The following CNTNAP2 variants were observed in gnomAD, a reference collection of about 807,000 sequenced individuals.
CNTNAP2 encodes the protein contactin-associated protein-like 2.
Under a neutral mutation model 155.2 loss-of-function variants are expected in CNTNAP2, and 98 were observed. That is an observed-to-expected ratio of 0.63 (90% CI 0.54 to 0.75). The LOEUF (loss-of-function observed/expected upper bound fraction) is 0.75. Among genes scored for constraint, CNTNAP2 ranks in the 30% least tolerant of loss-of-function variants. CNTNAP2 has a pLI of 0.00. For synonymous variants in CNTNAP2, 651 were observed against 631.2 expected, an observed-to-expected ratio of 1.03 and a Z score of -0.47; for missense variants, 1,727 against 1,688.1, an observed-to-expected ratio of 1.02 and a Z score of -0.40.
intron 21 of CNTNAP2, among the ~76,000 whole-genome samples, chr7:148,372,130 A>G (rs111743467): frequency 0.025 from 3,751 of 152,086 alleles, 160 homozygotes; most frequent in African/African-American, 0.087. Flanking sequence ...TGAACCTGGG[A>G]GTTGGAGGTT....
chr7:147,545,231 C>T (rs1438131525), intron 11 of CNTNAP2, among the ~76,000 whole-genome samples: 4 of 152,076 alleles, frequency 2.6e-5, no homozygotes, highest in Admixed American at 2.6e-4. Flanking sequence ...TTGTGCTCAA[C>T]AATACAAGCC....
chr7:147,545,212 C>T (rs527897075), intron 11 of CNTNAP2, among the ~76,000 whole-genome samples: 73 of 152,166 alleles, frequency 4.8e-4, no homozygotes, highest in African/African-American at 1.3e-3. Context: ...GCCCTGGGCA[C>T]GATGCCTTTT....
At chr7:147,854,693 G>T (rs1584992753) in intron 13 of CNTNAP2, among the ~76,000 whole-genome samples, 1 of 152,220 alleles carries the variant, frequency 6.6e-6, no homozygotes, top group Admixed American at 6.5e-5. Flanking sequence ...CAGAGGAATT[G>T]AATTTTCATT....
At chr7:147,630,773 C>T (rs1795073437) in intron 12 of CNTNAP2, among the ~76,000 whole-genome samples, 1 of 152,126 alleles carries the variant, frequency 6.6e-6, no homozygotes, top group African/African-American at 2.4e-5. Flanking sequence ...AGTCCAGCAT[C>T]CCTTTACGAA....
intron 1 of CNTNAP2, among the ~76,000 whole-genome samples, chr7:146,235,593 G>A (rs1353894879): frequency 6.6e-6 from 1 of 152,112 alleles, no homozygotes; most frequent in Admixed American, 6.5e-5. Flanking sequence ...CATCTTCTCT[G>A]GGGCATAAGG....
chr7:148,206,625 G>A (rs1177095775), intron 18 of CNTNAP2, among the ~76,000 whole-genome samples: 1 of 152,194 alleles, frequency 6.6e-6, no homozygotes, highest in Non-Finnish European at 1.5e-5. Context: ...GACGCTGACT[G>A]CACATTAGAC....
chr7:147,602,545 T>C (rs1365099609), intron 12 of CNTNAP2, among the ~76,000 whole-genome samples: 1 of 151,738 alleles, frequency 6.6e-6, no homozygotes, highest in Non-Finnish European at 1.5e-5. Context: ...ATGTGCAGGT[T>C]AGTTACATAT....
chr7:146,860,588 G>T (rs979166492), intron 3 of CNTNAP2, among the ~76,000 whole-genome samples: 1 of 152,088 alleles, frequency 6.6e-6, no homozygotes, highest in South Asian at 2.1e-4. Flanking sequence ...GGATCATATT[G>T]ATCTACTCAT....
At chr7:146,632,280 T>C (rs1053201360) in intron 1 of CNTNAP2, among the ~76,000 whole-genome samples, 7 of 152,302 alleles carry the variant, frequency 4.6e-5, no homozygotes, top group African/African-American at 1.4e-4. Flanking sequence ...GGATTTGATA[T>C]AAAAAACTAC....
chr7:146,552,422 C>T (rs1360692947), intron 1 of CNTNAP2, among the ~76,000 whole-genome samples: 1 of 152,072 alleles, frequency 6.6e-6, no homozygotes, highest in Non-Finnish European at 1.5e-5. Flanking sequence ...CTTCACACTA[C>T]TTTCAAAATA....
chr7:147,309,586 C>G (rs1350528966), intron 9 of CNTNAP2, among the ~76,000 whole-genome samples: 1 of 151,768 alleles, frequency 6.6e-6, no homozygotes, highest in Non-Finnish European at 1.5e-5. Flanking sequence ...GTTTGTCCTC[C>G]CCTAATTGTA....
intron 4 of CNTNAP2, among the ~76,000 whole-genome samples, chr7:147,093,090 T>G (rs1800446479): frequency 6.7e-6 from 1 of 150,030 alleles, no homozygotes; most frequent in South Asian, 2.1e-4. Context: ...TATATATATA[T>G]ATTAGCCGGG....
intron 1 of CNTNAP2, among the ~76,000 whole-genome samples, chr7:146,185,993 G>A (rs1798618392): frequency 6.6e-6 from 1 of 151,826 alleles, no homozygotes; most frequent in African/African-American, 2.4e-5. Context: ...TACCGAGAGA[G>A]GTGTTAAAAT....
At chr7:147,903,504 G>A in intron 13 of CNTNAP2, 61 bp from the exon 14 acceptor site, 2 of 1,562,346 alleles carry the variant, frequency 1.3e-6, no homozygotes, top group East Asian at 2.2e-5. Context: ...GGGTGTAAGT[G>A]TGGCAGTCTA....
chr7:147,072,569 G>T (rs967752954), intron 4 of CNTNAP2, among the ~76,000 whole-genome samples: 4 of 152,106 alleles, frequency 2.6e-5, no homozygotes, highest in Non-Finnish European at 5.9e-5. Flanking sequence ...CTAGGATGGT[G>T]GTAGCAGAGT....
intron 13 of CNTNAP2, among the ~76,000 whole-genome samples, chr7:147,650,694 A>G (rs1489365095): frequency 2.0e-5 from 3 of 152,168 alleles, no homozygotes; most frequent in African/African-American, 4.8e-5. Context: ...TTTCTAGTCA[A>G]CAGTAGGCTA....
At chr7:148,143,616 C>A (rs1051922466) in intron 16 of CNTNAP2, among the ~76,000 whole-genome samples, 1 of 152,186 alleles carries the variant, frequency 6.6e-6, no homozygotes, top group South Asian at 2.1e-4. Flanking sequence ...GAGGTCAAGG[C>A]TGCAGTCAGC....
chr7:146,722,252 A>G (rs1801351295), intron 1 of CNTNAP2, among the ~76,000 whole-genome samples: 1 of 151,988 alleles, frequency 6.6e-6, no homozygotes. Flanking sequence ...CAACAGGAAC[A>G]ATTGCTGAAA....
At chr7:148,183,369 T>C (rs1249396434) in intron 18 of CNTNAP2, among the ~76,000 whole-genome samples, 1 of 152,058 alleles carries the variant, frequency 6.6e-6, no homozygotes, top group African/African-American at 2.4e-5. Flanking sequence ...GGAAAACATA[T>C]ATCATTAAAG....
Sources: gnomAD v4.1 joint callset for allele counts (sites outside exome capture counted in the v4.1 genomes callset) on GRCh38, gnomAD v4.1.1 for gene constraint, MANE v1.5 for transcripts, NCBI Gene and HGNC (gene_info 2026-07-23, HGNC 2026-07-21) for gene names.